The following DENND1B variants were observed in gnomAD, a reference collection of about 807,000 sequenced individuals.
DENND1B encodes DENN domain containing 1B, also known as DENN domain-containing protein 1B.
In DENND1B, 59 loss-of-function variants were observed where a neutral mutation model predicts 90.1. The observed-to-expected ratio is 0.65, with a 90% CI of 0.53 to 0.81. The LOEUF is 0.81. DENND1B is among the 40% of genes least tolerant of loss of function. DENND1B has a pLI of 0.00. For missense variants in DENND1B, 862 were observed against 912.6 expected, an observed-to-expected ratio of 0.94 and a Z score of 0.71; for synonymous variants, 337 against 324.6, an observed-to-expected ratio of 1.04 and a Z score of -0.41.
At chr1:197,752,023 AG>A (rs1485829080) in intron 2 of DENND1B, among the ~76,000 whole-genome samples, 1 of 151,530 alleles carries the variant, frequency 6.6e-6, no homozygotes, top group Non-Finnish European at 1.5e-5. Context: ...AAGGAAGAGA[AG>A]GAGGAGGAGA....
intron 2 of DENND1B, among the ~76,000 whole-genome samples, chr1:197,728,573 C>T (rs533430606): frequency 6.6e-5 from 10 of 152,288 alleles, no homozygotes; most frequent in African/African-American, 1.7e-4. Flanking sequence ...TCATCCTCTA[C>T]GTCTAATCAG....
chr1:197,551,300 G>C (rs181847621), intron 16 of DENND1B, among the ~76,000 whole-genome samples: 2 of 152,018 alleles, frequency 1.3e-5, no homozygotes, highest in Admixed American at 6.6e-5. Context: ...AATTTCTAAC[G>C]GACTTTCTTG....
chr1:197,655,595 G>A (rs1413381412), intron 6 of DENND1B, among the ~76,000 whole-genome samples: 3 of 151,518 alleles, frequency 2.0e-5, no homozygotes, highest in Non-Finnish European at 2.9e-5. Flanking sequence ...GCGCTGGCGC[G>A]ATCTGCGCTC....
intron 15 of DENND1B, among the ~76,000 whole-genome samples, chr1:197,556,896 T>C (rs907646392): frequency 1.3e-5 from 2 of 151,982 alleles, no homozygotes; most frequent in Non-Finnish European, 2.9e-5. Flanking sequence ...TCACTGTCTT[T>C]CACATGTATG....
intron 3 of DENND1B, among the ~76,000 whole-genome samples, chr1:197,714,599 G>T (rs971462846): frequency 6.6e-6 from 1 of 152,084 alleles, no homozygotes; most frequent in Non-Finnish European, 1.5e-5. Flanking sequence ...ATATGTAAAT[G>T]ACTCAGATAC....
At chr1:197,545,791 A>G (rs1220109399) in intron 18 of DENND1B, 131 bp downstream of exon 18, 5 of 749,718 alleles carry the variant, frequency 6.7e-6, no homozygotes, top group African/African-American at 1.8e-5. Context: ...GCTTTGGTCA[A>G]TATTAATCCT....
chr1:197,622,010 A>G (rs919703062), intron 10 of DENND1B, among the ~76,000 whole-genome samples: 11 of 151,394 alleles, frequency 7.3e-5, no homozygotes, highest in African/African-American at 2.7e-4. Context: ...GACTTCAATT[A>G]CAACATAAGT....
chr1:197,745,805 T>C lies in DENND1B; in HGVS notation c.82+27063A>G, dbSNP rs180849410. ...ATACTTAGGAAGACATTTTTAGGCA[T>C]TGCTGAATTTAAATCATCTTCCAAA... is the stretch of plus-strand genomic sequence containing the variant. On this transcript the variant is annotated intron_variant, in intron 2 of 22. Transcript: ENST00000620048. Among the ~76,000 whole-genome samples the C allele has an allele frequency of 5.5e-3, 831 of 151,974 alleles. 9 individuals carry two copies. The highest frequency in any genetic ancestry group is 0.019 in the African/African-American group (803 of 41,488).
At chr1:197,552,336 T>C (rs1361158136) in intron 16 of DENND1B, 5 of 985,436 alleles carry the variant, frequency 5.1e-6, no homozygotes, top group South Asian at 4.7e-5. Context: ...CAGCAAATAA[T>C]GAATGAACAC....
intron 2 of DENND1B, among the ~76,000 whole-genome samples, chr1:197,719,176 G>A (rs538450016): frequency 7.9e-5 from 12 of 152,150 alleles, no homozygotes; most frequent in African/African-American, 2.9e-4. Context: ...ATGTACAGAG[G>A]CAATTTACTT....
chr1:197,540,541 A>G (rs1233891271), intron 19 of DENND1B, among the ~76,000 whole-genome samples: 2 of 152,164 alleles, frequency 1.3e-5, no homozygotes, highest in Non-Finnish European at 2.9e-5. Flanking sequence ...TTTGTAAATT[A>G]AGAACATTCT....
chr1:197,694,420 A>T (rs1181959032), intron 3 of DENND1B, among the ~76,000 whole-genome samples: 1 of 151,414 alleles, frequency 6.6e-6, no homozygotes, highest in African/African-American at 2.4e-5. Flanking sequence ...ACTAACTTTA[A>T]CTTCTTTTCA....
intron 2 of DENND1B, among the ~76,000 whole-genome samples, chr1:197,745,615 A>ATTTT (rs1199139995): frequency 3.4e-5 from 4 of 119,364 alleles, no homozygotes; most frequent in Admixed American, 8.2e-5. Flanking sequence ...CCATATATAT[A>ATTTT]TTATATATAT....
chr1:197,594,866 TG>T (rs1450911653), intron 14 of DENND1B, among the ~76,000 whole-genome samples: 1 of 152,104 alleles, frequency 6.6e-6, no homozygotes, highest in Non-Finnish European at 1.5e-5. Context: ...CCAATTGTCT[TG>T]TGAATTTCTT....
At chr1:197,656,134 G>C (rs1454056073) in intron 6 of DENND1B, among the ~76,000 whole-genome samples, 2 of 152,080 alleles carry the variant, frequency 1.3e-5, no homozygotes, top group Non-Finnish European at 2.9e-5. Flanking sequence ...ATCTTGAAGA[G>C]AAAAGAGTCT....
Position 197,511,920 on chromosome 1 carries a change from T to G in DENND1B, c.1623A>C (p.Glu541Asp). 2 of 1,606,264 alleles carry G rather than the reference T, an allele frequency of 1.2e-6. No homozygotes were observed. The highest frequency in any genetic ancestry group is 8.5e-7 in the Non-Finnish European group (1 of 1,175,760). ...CACTCTCATAGAGATAAGCAGAAGCTTCTTCACCATCTTCAGAAGATAACC... is the reference window on the plus strand; with the variant it reads ...CACTCTCATAGAGATAAGCAGAAGCGTCTTCACCATCTTCAGAAGATAACC... Reference protein sequence around the residue: ...ASKLSSEDGEEASAYLYESDD... With the variant: ...ASKLSSEDGEDASAYLYESDD... Residue 541 changes from glutamate to aspartate, a missense_variant, in exon 22 of 23, where the codon GAA becomes GAC. Physicochemically the swap from Glu to Asp is conservative, Grantham distance 45. Coordinates refer to ENST00000620048, the MANE Select transcript of DENND1B (RefSeq NM_001195215.2).
chr1:197,584,896 C>T (rs1347040575), intron 14 of DENND1B, among the ~76,000 whole-genome samples: 3 of 152,142 alleles, frequency 2.0e-5, no homozygotes, highest in African/African-American at 7.2e-5. Flanking sequence ...TGGTCTCAAA[C>T]TCCTGGGCTC....
chr1:197,773,095 T>A, intron 1 of DENND1B, 163 bp from the exon 2 acceptor site: 1 of 672,796 alleles, frequency 1.5e-6, no homozygotes, highest in Non-Finnish European at 2.6e-6. Context: ...TTTTCTCAAT[T>A]GAGCAACTTA....
intron 2 of DENND1B, chr1:197,762,074 A>G (rs1655121599): frequency 6.6e-6 from 1 of 152,178 alleles, no homozygotes; most frequent in African/African-American, 2.4e-5. Context: ...TGTAATAACA[A>G]TATAACTTAT....
Sources: allele counts gnomAD v4.1 joint callset (sites outside exome capture counted in the v4.1 genomes callset), GRCh38; gene constraint gnomAD v4.1.1; transcripts MANE v1.5; gene names NCBI Gene and HGNC (gene_info 2026-07-23, HGNC 2026-07-21).